The following ABCC1 variants were observed in gnomAD, a reference collection of about 807,000 sequenced individuals.
The protein encoded by ABCC1 is multidrug resistance-associated protein 1.
Under a neutral mutation model 172.9 loss-of-function variants are expected in ABCC1, and 83 were observed. The ratio of observed to expected loss-of-function variants is 0.48; its 90% CI spans 0.40 to 0.58. The LOEUF (loss-of-function observed/expected upper bound fraction) is 0.58, where lower values mean the gene tolerates loss of function less well. Ranked by LOEUF, ABCC1 falls within the 20% of genes least tolerant of loss-of-function variation. The probability of loss-of-function intolerance (pLI) is 0.00; values close to 1 mark genes in which losing one functional copy is unlikely to be tolerated. For synonymous variants in ABCC1, 937 were observed against 825.2 expected, an observed-to-expected ratio of 1.14 and a Z score of -2.32; for missense variants, 1,817 against 2,002.7, an observed-to-expected ratio of 0.91 and a Z score of 1.77.
chr16:15,961,000 GTT>G (rs745767540), intron 1 of ABCC1, among the ~76,000 whole-genome samples: 23 of 107,706 alleles, frequency 2.1e-4, no homozygotes, highest in Admixed American at 9.6e-4. Context: ...TGAAACGCAG[GTT>G]TTTTTTTTTT....
chr16:16,129,327 T>C (rs995304654), intron 26 of ABCC1, among the ~76,000 whole-genome samples: 1 of 152,040 alleles, frequency 6.6e-6, no homozygotes, highest in Admixed American at 6.5e-5. Context: ...CAACTTGCCT[T>C]AGTTGCATTG....
intron 7 of ABCC1, among the ~76,000 whole-genome samples, chr16:16,042,090 A>C (rs997780377): frequency 8.6e-5 from 13 of 151,196 alleles, no homozygotes; most frequent in African/African-American, 2.4e-4. Flanking sequence ...GTGTATGGCC[A>C]CTCAGAGCTT....
intron 1 of ABCC1, among the ~76,000 whole-genome samples, chr16:15,988,250 G>A (rs1275003211): frequency 6.6e-6 from 1 of 152,148 alleles, no homozygotes; most frequent in Non-Finnish European, 1.5e-5. Context: ...TCCTCAGCAA[G>A]GCTTGCCCTC....
At chr16:15,972,787 C>CTT (rs35086205) in intron 1 of ABCC1, among the ~76,000 whole-genome samples, 10,920 of 89,208 alleles carry the variant, frequency 0.12, 1,016 homozygotes, top group Non-Finnish European at 0.17. Flanking sequence ...TATTTTTTAA[C>CTT]TTTTTTTTTT....
intron 14 of ABCC1, among the ~76,000 whole-genome samples, chr16:16,073,020 C>G (rs1007225870): frequency 7.3e-6 from 1 of 137,146 alleles, no homozygotes; most frequent in Admixed American, 7.8e-5. Context: ...CCAGCCAGGG[C>G]AAAGAGTGAG....
chr16:16,014,536 C>G lies in ABCC1; in HGVS notation c.397C>G (p.Gln133Glu), dbSNP rs369321712. The change falls in exon 4 of 31, where the codon CAG (glutamine) becomes GAG (glutamate). Residue 133 changes from glutamine to glutamate, a missense_variant. Coordinates refer to ENST00000399410, the MANE Select transcript of ABCC1 (RefSeq NM_004996.4). ...LIQLERRKGV[Q>E]SSGIMLTFWL... ...TCAGCTGGAGAGGAGGAAGGGAGTT[C>G]AGTCTTCAGGGATCATGCTCACTTT... is the stretch of plus-strand genomic sequence containing the variant. 4 of 1,614,044 alleles carry G rather than the reference C, an allele frequency of 2.5e-6. No individual in the cohort carries two copies. Among genetic ancestry groups the G allele is most frequent in the African/African-American group, 1.3e-5 (1 of 74,942 alleles).
At chr16:16,103,438 G>A (rs1250372087) in intron 20 of ABCC1, among the ~76,000 whole-genome samples, 1 of 152,090 alleles carries the variant, frequency 6.6e-6, no homozygotes, top group Non-Finnish European at 1.5e-5. Flanking sequence ...AAATTAGCCA[G>A]GCATGGTGGC....
In ABCC1 at chr16:16,090,587, C is replaced by T. The variant is rs369748051; in HGVS notation, c.2643C>T (p.Asn881=). ...AGCAGGAGCAGGATGCAGAGGAGAA[C>T]GGTAGGGGCAGCCCCAGGGTTCCAC... ...STEQEQDAEE[N]GVTGVSGPGK... Residue 881 remains asparagine, a splice_region_variant and synonymous_variant, in exon 19 of 31, where the codon AAC becomes AAT. Coordinates refer to ENST00000399410, the MANE Select transcript of ABCC1 (RefSeq NM_004996.4). The T allele has an allele frequency of 1.3e-5, 21 of 1,584,128 alleles. No homozygotes were observed. Among genetic ancestry groups the T allele is most frequent in the South Asian group, 3.4e-5 (3 of 88,948 alleles).
chr16:16,076,588 A>G (rs1344063435), intron 15 of ABCC1, among the ~76,000 whole-genome samples, 187 bp downstream of exon 15: 1 of 152,238 alleles, frequency 6.6e-6, no homozygotes, highest in Admixed American at 6.5e-5. Flanking sequence ...CGTGAGAAGC[A>G]GACACACATG....
At chr16:16,088,631 A>T (rs2051113394) in intron 18 of ABCC1, among the ~76,000 whole-genome samples, 1 of 152,258 alleles carries the variant, frequency 6.6e-6, no homozygotes, top group South Asian at 2.1e-4. Flanking sequence ...AGAATATTTT[A>T]TGACATTTGA....
At chr16:16,081,865 C>G (rs1457515219) in intron 16 of ABCC1, among the ~76,000 whole-genome samples, 3 of 151,966 alleles carry the variant, frequency 2.0e-5, no homozygotes, top group Non-Finnish European at 4.4e-5. Flanking sequence ...ACTGAAAATA[C>G]AAAAATTAGT....
chr16:16,084,852 C>A (rs2050947080), intron 17 of ABCC1, among the ~76,000 whole-genome samples: 1 of 152,178 alleles, frequency 6.6e-6, no homozygotes, highest in African/African-American at 2.4e-5. Flanking sequence ...AACTCCTGGC[C>A]TCAGGTGATC....
intron 1 of ABCC1, among the ~76,000 whole-genome samples, chr16:15,994,077 G>T (rs776543951): frequency 2.0e-5 from 3 of 152,096 alleles, no homozygotes; most frequent in Non-Finnish European, 4.4e-5. Context: ...AAATTAGCCA[G>T]GCATGGTGAT....
At chr16:16,121,916 C>A in intron 23 of ABCC1, 59 bp from the exon 24 acceptor site, 1 of 1,578,282 alleles carries the variant, frequency 6.3e-7, no homozygotes, top group South Asian at 1.1e-5. Context: ...ACAGCCCTGC[C>A]CTGGGAGGAT....
At position 16,136,550 on chromosome 16, in the gene ABCC1, T is replaced by G; in HGVS notation, c.4198T>G (p.Trp1400Gly). 6.2e-7 allele frequency: 1 copy of G among 1,614,194 alleles called. No individual in the cohort carries two copies. Among genetic ancestry groups the G allele is most frequent in the Non-Finnish European group, 8.5e-7 (1 of 1,180,040 alleles). Residue 1400 changes from tryptophan (W) to glycine (G), a missense_variant, in exon 29 of 31, where the codon TGG (tryptophan) becomes GGG (glycine). This residue lies in a region of ABCC1 where 1,412 missense variants were observed against 1,600.3 expected (regional missense o/e 0.88). Transcript: ENST00000399410. ...CAGCCAGTACTCGGATGAAGAAGTCTGGACGTCCCTGGAGCTGGCCCACCT... is the reference window on the plus strand; with the variant it reads ...CAGCCAGTACTCGGATGAAGAAGTCGGGACGTCCCTGGAGCTGGCCCACCT... ...PFSQYSDEEV[W>G]TSLELAHLKD...
At chr16:16,123,050 CA>C (rs925237015) in intron 24 of ABCC1, among the ~76,000 whole-genome samples, 1 of 152,128 alleles carries the variant, frequency 6.6e-6, no homozygotes, top group African/African-American at 2.4e-5. Flanking sequence ...AAAGTGACAG[CA>C]CCCCAGAGGT....
At chr16:16,074,875 C>G (rs539432293) in intron 14 of ABCC1, among the ~76,000 whole-genome samples, 1 of 151,958 alleles carries the variant, frequency 6.6e-6, no homozygotes, top group African/African-American at 2.4e-5. Context: ...ACAAAAAATA[C>G]TCCTGTATTA....
chr16:16,054,062 C>T (rs2049545095), intron 11 of ABCC1, among the ~76,000 whole-genome samples: 1 of 151,738 alleles, frequency 6.6e-6, no homozygotes, highest in African/African-American at 2.4e-5. Flanking sequence ...GCAACCTCTG[C>T]CTCCCGGGTT....
At chr16:16,006,847 T>TGGC (rs2047548749) in intron 1 of ABCC1, among the ~76,000 whole-genome samples, 1 of 89,574 alleles carries the variant, frequency 1.1e-5, no homozygotes, top group Non-Finnish European at 2.8e-5. Context: ...TTATCCGTGG[T>TGGC]GGTGGCGGTG....
Sources: gnomAD v4.1 joint callset for allele counts (sites outside exome capture counted in the v4.1 genomes callset) on GRCh38, gnomAD v4.1.1 for gene constraint, gnomAD v4.1.1 regional missense constraint, MANE v1.5 for transcripts, NCBI Gene and HGNC (gene_info 2026-07-23, HGNC 2026-07-21) for gene names.